TMEM209: variants seen among roughly 807,000 people sequenced by gnomAD.
TMEM209 encodes transmembrane protein 209.
In TMEM209, 65 loss-of-function variants were observed where a neutral mutation model predicts 76.2. The observed-to-expected ratio is 0.85, with a 90% CI of 0.70 to 1.05. TMEM209 has a LOEUF of 1.05. Among genes scored for constraint, TMEM209 ranks in the 50% least tolerant of loss-of-function variants. The pLI is 0.00. For missense variants in TMEM209, 623 were observed against 685.5 expected (o/e 0.91, Z 1.02); for synonymous variants, 239 against 237.6 (o/e 1.01, Z -0.06).
chr7:130,204,948 G>A lies in TMEM209; in HGVS notation c.3+425C>T, dbSNP rs939819022. The A allele has an allele frequency of 4.6e-6, 5 of 1,078,326 alleles. No individual in the cohort carries two copies. The African/African-American group carries it at 8.1e-5, about 17-fold the overall frequency. 66.8% of individuals were successfully genotyped at this position (1,078,326 alleles called of 1,614,324 possible). On this transcript the variant is annotated intron_variant, in intron 1 of 14. Coordinates refer to ENST00000397622, the MANE Select transcript of TMEM209 (RefSeq NM_032842.4). The stretch of plus-strand genomic sequence containing the variant: ...GTGTGGATAAAGGACAAGGATCCAA[G>A]TTTTAGAAGGGCACGTACTTATGAT...
At position 130,185,289 on chromosome 7, in the gene TMEM209, G is replaced by A. The variant is rs916171780; in HGVS notation, c.854C>T (p.Thr285Ile). The A allele has an allele frequency of 6.2e-7, 1 of 1,613,896 alleles. No homozygotes were observed. Among genetic ancestry groups the A allele is most frequent in the Admixed American group, 1.7e-5 (1 of 60,014 alleles). The change falls in exon 7 of 15, where the codon ACT becomes ATT. Residue 285 changes from threonine (T) to isoleucine (I), a missense_variant. Physicochemically the swap from Thr to Ile is moderately conservative, Grantham distance 89. Transcript: ENST00000397622. Reference protein sequence around the residue: ...YSRSMGDYAQTLKKFQYQLAC... With the variant: ...YSRSMGDYAQILKKFQYQLAC... ...AAGCTGATACTGAAACTTCTTTAAA[G>A]TTTGTGCATAATCCCCCATAGAACG...
intron 3 of TMEM209, among the ~76,000 whole-genome samples, chr7:130,203,441 G>T (rs1798292534): frequency 6.6e-6 from 1 of 152,176 alleles, no homozygotes; most frequent in Non-Finnish European, 1.5e-5. Context: ...AACTGAGGAA[G>T]GCATCAATGG....
intron 6 of TMEM209, among the ~76,000 whole-genome samples, chr7:130,191,177 T>C (rs1797783355): frequency 1.3e-5 from 2 of 151,926 alleles, no homozygotes; most frequent in Admixed American, 1.3e-4. Context: ...GAAATTAATA[T>C]AGATGTGTCA....
intron 11 of TMEM209, among the ~76,000 whole-genome samples, chr7:130,174,913 A>T (rs184151801): frequency 6.6e-6 from 1 of 152,196 alleles, no homozygotes; most frequent in Non-Finnish European, 1.5e-5. Flanking sequence ...GTAAAAAAAA[A>T]CCCTAAATAT....
chr7:130,186,238 G>A (rs1797594489), intron 6 of TMEM209, among the ~76,000 whole-genome samples: 2 of 152,202 alleles, frequency 1.3e-5, no homozygotes, highest in East Asian at 1.9e-4. Flanking sequence ...AATCTTAGCA[G>A]AATTCTAAAA....
At chr7:130,187,878 C>T (rs1797655165) in intron 6 of TMEM209, among the ~76,000 whole-genome samples, 1 of 151,956 alleles carries the variant, frequency 6.6e-6, no homozygotes, top group South Asian at 2.1e-4. Context: ...GATAAGCTTA[C>T]CAGAAACAAA....
chr7:130,200,303 A>G (rs1798144426), intron 5 of TMEM209, among the ~76,000 whole-genome samples: 1 of 152,194 alleles, frequency 6.6e-6, no homozygotes, highest in Admixed American at 6.6e-5. Flanking sequence ...GTTACGATAG[A>G]CTATTGTCAT....
At chr7:130,171,957 T>C (rs879589614) in intron 13 of TMEM209, among the ~76,000 whole-genome samples, 2 of 151,770 alleles carry the variant, frequency 1.3e-5, no homozygotes, top group East Asian at 1.9e-4. Context: ...CGCTTGAACC[T>C]GGGAGGCGGA....
At chr7:130,183,445 C>T (rs1429717942) in intron 8 of TMEM209, among the ~76,000 whole-genome samples, 2 of 151,918 alleles carry the variant, frequency 1.3e-5, no homozygotes, top group Non-Finnish European at 2.9e-5. Flanking sequence ...ATTTTTTGCC[C>T]CTCTATTTTG....
At chr7:130,169,512 T>A (rs1796996079) in intron 14 of TMEM209, among the ~76,000 whole-genome samples, 2 of 152,352 alleles carry the variant, frequency 1.3e-5, no homozygotes, top group African/African-American at 4.8e-5. Flanking sequence ...GGGGGCTGTG[T>A]CTTTGAAATC....
intron 8 of TMEM209, among the ~76,000 whole-genome samples, chr7:130,182,776 C>A (rs1195786089): frequency 6.6e-6 from 1 of 152,072 alleles, no homozygotes; most frequent in Non-Finnish European, 1.5e-5. Context: ...ATATTATAAA[C>A]AACTGAAACA....
chr7:130,203,800 G>T lies in TMEM209; in HGVS notation c.187C>A (p.Leu63Ile). 1.2e-6 allele frequency: 2 copies of T among 1,604,312 alleles called. No homozygotes were observed. The highest frequency in any genetic ancestry group is 3.4e-5 in the Admixed American group (2 of 58,702). Residue 63 changes from leucine (L) to isoleucine (I), a missense_variant, in exon 3 of 15, where the codon CTC becomes ATC. Transcript: ENST00000397622. ...SSYYNVTYWP[L>I]WYIELALASL... is the part of the protein sequence containing the mutation. ...ATTACTTACTTACCAATATACCAGA[G>T]GGGCCAGTATGTCACATTGTAGTAT...
chr7:130,182,965 C>T (rs1337763849), intron 8 of TMEM209, among the ~76,000 whole-genome samples: 6 of 152,038 alleles, frequency 3.9e-5, no homozygotes, highest in Admixed American at 2.0e-4. Context: ...TGAGTGTTAA[C>T]TAGACTCTGG....
intron 8 of TMEM209, among the ~76,000 whole-genome samples, chr7:130,182,513 CAG>C (rs1253986602): frequency 2.0e-5 from 3 of 152,286 alleles, no homozygotes; most frequent in African/African-American, 7.2e-5. Flanking sequence ...TGTGGAAAAA[CAG>C]AGACTTATTA....
intron 6 of TMEM209, among the ~76,000 whole-genome samples, chr7:130,190,349 C>T (rs571315214): frequency 2.4e-4 from 37 of 152,018 alleles, no homozygotes; most frequent in African/African-American, 8.2e-4. Flanking sequence ...GAAACCCTGT[C>T]TCTACTAAAA....
intron 3 of TMEM209, among the ~76,000 whole-genome samples, chr7:130,203,342 A>G (rs1202872165): frequency 2.6e-5 from 4 of 152,212 alleles, no homozygotes; most frequent in Non-Finnish European, 5.9e-5. Context: ...TAATGTGTAT[A>G]GACTATGAAA....
chr7:130,169,194 CAAA>C (rs11463128), intron 14 of TMEM209, among the ~76,000 whole-genome samples: 4 of 74,888 alleles, frequency 5.3e-5, no homozygotes, highest in Admixed American at 1.4e-4. Flanking sequence ...GACTCCATCT[CAAA>C]AAAAAAAAAA....
At position 130,166,522 on chromosome 7, in the gene TMEM209, A is replaced by C; in HGVS notation, c.1632-17T>G. On this transcript the variant is annotated splice_polypyrimidine_tract_variant and intron_variant, in intron 14 of 14. Coordinates refer to ENST00000397622, the MANE Select transcript of TMEM209 (RefSeq NM_032842.4). ...TTAACTCTCCTATAAAGAGAAAAAA[A>C]ATTTTTATTAGAATTGGTTGCCAAG... is the stretch of plus-strand genomic sequence containing the variant. The C allele has an allele frequency of 2.0e-6, 3 of 1,492,594 alleles. No individual in the cohort carries two copies. Among genetic ancestry groups the C allele is most frequent in the South Asian group, 1.4e-5 (1 of 73,472 alleles). 92.5% of individuals were successfully genotyped at this position (1,492,594 alleles called of 1,614,324 possible).
chr7:130,178,665 C>CCTG, intron 9 of TMEM209, 138 bp from the exon 10 acceptor site: 1 of 903,974 alleles, frequency 1.1e-6, no homozygotes, highest in Admixed American at 2.8e-5. Flanking sequence ...GACGTCTCCC[C>CCTG]TGACGACCCT....
Sources: gnomAD v4.1 joint callset for allele counts (sites outside exome capture counted in the v4.1 genomes callset) on GRCh38, gnomAD v4.1.1 for gene constraint, MANE v1.5 for transcripts, NCBI Gene and HGNC (gene_info 2026-07-23, HGNC 2026-07-21) for gene names.